Variants in RBFOX1 observed in about 807,000 individuals in gnomAD.
The protein encoded by RBFOX1 is RNA binding protein fox-1 homolog 1.
RBFOX1 carries 8 observed loss-of-function variants against 57.7 expected under a neutral mutation model. That is an observed-to-expected ratio of 0.14 (90% CI 0.08 to 0.25). RBFOX1 has a LOEUF of 0.25. Among genes scored for constraint, RBFOX1 ranks in the 10% least tolerant of loss-of-function variants. RBFOX1 has a pLI of 1.00. For synonymous variants in RBFOX1, 326 were observed against 222.4 expected, an observed-to-expected ratio of 1.47 and a Z score of -4.15; for missense variants, 611 against 548.5, an observed-to-expected ratio of 1.11 and a Z score of -1.14.
intron 3 of RBFOX1, among the ~76,000 whole-genome samples, chr16:6,939,995 T>A (rs2078078862): frequency 6.6e-6 from 1 of 152,148 alleles, no homozygotes. Context: ...ATATCATCCA[T>A]AGCACTTTGA....
At chr16:5,586,491 A>C (rs1343891614) in intron 2 of RBFOX1, among the ~76,000 whole-genome samples, 1 of 151,990 alleles carries the variant, frequency 6.6e-6, no homozygotes, top group Non-Finnish European at 1.5e-5. Context: ...TATTATCCCT[A>C]ATTTTATTTG....
chr16:7,085,976 C>T (rs1003706451), intron 4 of RBFOX1, among the ~76,000 whole-genome samples: 1 of 152,084 alleles, frequency 6.6e-6, no homozygotes, highest in Non-Finnish European at 1.5e-5. Context: ...AGTGTATGTG[C>T]CTGATTGAGA....
intron 1 of RBFOX1, among the ~76,000 whole-genome samples, chr16:6,120,216 C>T (rs562218694): frequency 2.7e-4 from 41 of 152,252 alleles, no homozygotes; most frequent in African/African-American, 6.3e-4. Context: ...ATTTCCTTGA[C>T]GTAAATAGCT....
At chr16:7,131,403 G>A (rs186103621) in intron 4 of RBFOX1, among the ~76,000 whole-genome samples, 2 of 133,112 alleles carry the variant, frequency 1.5e-5, no homozygotes, top group African/African-American at 5.9e-5. Flanking sequence ...TGCTTAGTCA[G>A]TGCCTACTTA....
intron 4 of RBFOX1, among the ~76,000 whole-genome samples, chr16:7,329,028 G>A (rs918803734): frequency 1.3e-5 from 2 of 152,196 alleles, no homozygotes; most frequent in Non-Finnish European, 2.9e-5. Context: ...AGTAAATACA[G>A]TATTACAGGA....
At chr16:6,564,859 G>A (rs576121501) in intron 2 of RBFOX1, among the ~76,000 whole-genome samples, 25 of 151,996 alleles carry the variant, frequency 1.6e-4, no homozygotes, top group Admixed American at 6.6e-4. Flanking sequence ...AAGCATTTGC[G>A]GCTGGGCACG....
chr16:6,101,657 C>G (rs1031023460), intron 1 of RBFOX1, among the ~76,000 whole-genome samples: 2 of 152,096 alleles, frequency 1.3e-5, no homozygotes, highest in Non-Finnish European at 2.9e-5. Flanking sequence ...CAGCGTGGCT[C>G]ATACCTGTAA....
chr16:6,234,910 T>C (rs761635424), intron 1 of RBFOX1, among the ~76,000 whole-genome samples: 2 of 152,188 alleles, frequency 1.3e-5, no homozygotes, highest in Non-Finnish European at 2.9e-5. Context: ...GATATTTGGT[T>C]ACAGGTTTGG....
chr16:7,351,025 C>G (rs907967414), intron 4 of RBFOX1, among the ~76,000 whole-genome samples: 5 of 152,204 alleles, frequency 3.3e-5, no homozygotes, highest in African/African-American at 1.2e-4. Context: ...GCCATGTGCC[C>G]ATGGACTAGG....
chr16:6,794,953 T>A (rs1449740342), intron 3 of RBFOX1, among the ~76,000 whole-genome samples: 1 of 152,148 alleles, frequency 6.6e-6, no homozygotes, highest in African/African-American at 2.4e-5. Flanking sequence ...TGAGTAATTT[T>A]CCCTAAATCA....
At chr16:5,452,178 G>C (rs1381732305) in intron 1 of RBFOX1, among the ~76,000 whole-genome samples, 1 of 147,056 alleles carries the variant, frequency 6.8e-6, no homozygotes, top group African/African-American at 2.5e-5. Flanking sequence ...GAGTGCAGTG[G>C]CACGATCTCA....
rs1430519522 is a variant in RBFOX1, at chr16:7,518,149, T to C, written c.30T>C (p.Gly10=). 1.2e-6 allele frequency: 2 copies of C among 1,609,318 alleles called. No individual in the cohort carries two copies. The highest frequency in any genetic ancestry group is 1.7e-4 in the Middle Eastern group (1 of 6,038). Residue 10 remains glycine, a splice_region_variant and synonymous_variant, in exon 5 of 16, where the codon GGT becomes GGC. Coordinates refer to ENST00000550418, the MANE Select transcript of RBFOX1 (RefSeq NM_018723.4). The part of the protein sequence containing the change: MNCEREQLR[G]NQEAAAAPDT... ...TCTGCACCTTTTTGATTTTTCAGGG[T>C]AATCAGGAAGCAGCCGCTGCCCCTG... is the stretch of plus-strand genomic sequence containing the variant.
intron 4 of RBFOX1, among the ~76,000 whole-genome samples, chr16:7,363,131 G>T (rs2097362170): frequency 6.6e-6 from 1 of 152,126 alleles, no homozygotes; most frequent in Admixed American, 6.5e-5. Flanking sequence ...GTGACTGCTG[G>T]GGCTGTTGTT....
chr16:6,815,387 A>T (rs1284779989), intron 3 of RBFOX1, among the ~76,000 whole-genome samples: 7 of 152,172 alleles, frequency 4.6e-5, no homozygotes, highest in Admixed American at 4.6e-4. Flanking sequence ...AATGCAGCCC[A>T]GTAGATCTCA....
chr16:6,266,724 A>AAG (rs2074549279), intron 1 of RBFOX1, among the ~76,000 whole-genome samples: 1 of 151,708 alleles, frequency 6.6e-6, no homozygotes. Flanking sequence ...AAAAAAAAAA[A>AAG]AAGAAGAAGA....
At chr16:6,503,104 C>T (rs892907412) in intron 2 of RBFOX1, among the ~76,000 whole-genome samples, 4 of 152,094 alleles carry the variant, frequency 2.6e-5, no homozygotes, top group African/African-American at 4.8e-5. Flanking sequence ...ACCTAAGAAA[C>T]TATGAAGAGT....
At chr16:5,326,656 C>G (rs1428453495) in intron 1 of RBFOX1, among the ~76,000 whole-genome samples, 1 of 152,146 alleles carries the variant, frequency 6.6e-6, no homozygotes, top group African/African-American at 2.4e-5. Context: ...CTGTAGGCAT[C>G]TTTATTTAGC....
intron 2 of RBFOX1, among the ~76,000 whole-genome samples, chr16:6,527,395 A>G (rs1051030561): frequency 1.1e-4 from 17 of 151,944 alleles, no homozygotes; most frequent in Admixed American, 5.9e-4. Flanking sequence ...TGTACAGGCT[A>G]CTTCGTCCTT....
At chr16:5,547,061 C>T (rs1312209784) in intron 2 of RBFOX1, among the ~76,000 whole-genome samples, 1 of 152,154 alleles carries the variant, frequency 6.6e-6, no homozygotes, top group African/African-American at 2.4e-5. Context: ...TACCATTATA[C>T]ATCTTCTAGG....
Sources: allele counts gnomAD v4.1 joint callset (sites outside exome capture counted in the v4.1 genomes callset), GRCh38; gene constraint gnomAD v4.1.1; transcripts MANE v1.5; gene names NCBI Gene and HGNC (gene_info 2026-07-23, HGNC 2026-07-21).